The following ABHD10 variants were observed in gnomAD, a reference collection of about 807,000 sequenced individuals.
ABHD10 encodes palmitoyl-protein thioesterase ABHD10, mitochondrial.
In ABHD10, 22 loss-of-function variants were observed where a neutral mutation model predicts 33.1. That is an observed-to-expected ratio of 0.66 (90% CI 0.47 to 0.95). The LOEUF (loss-of-function observed/expected upper bound fraction) is 0.95. Ranked by LOEUF, ABHD10 falls within the 40% of genes least tolerant of loss-of-function variation. ABHD10 has a pLI of 0.00. For missense variants in ABHD10, 352 were observed against 379.9 expected, an observed-to-expected ratio of 0.93 and a Z score of 0.61; for synonymous variants, 146 against 133.9, an observed-to-expected ratio of 1.09 and a Z score of -0.62.
In ABHD10 at chr3:111,986,957, C is replaced by G. The variant is rs1022807241; in HGVS notation, c.482C>G (p.Ala161Gly). Reference sequence around the variant, plus strand: ...CTTGGAGGGTGGCTTATGCTTCATGCTGCAATTGCACGACCAGAGAAGGTC... The same window carrying G: ...CTTGGAGGGTGGCTTATGCTTCATGGTGCAATTGCACGACCAGAGAAGGTC... ...SSLGGWLMLHAAIARPEKVVA... is the reference protein window; with the variant it reads ...SSLGGWLMLHGAIARPEKVVA... Residue 161 changes from alanine to glycine, a missense_variant, in exon 4 of 5, where the codon GCT (alanine) becomes GGT (glycine). By Grantham distance (60) the Ala-to-Gly change is moderately conservative (BLOSUM62 0). Coordinates refer to ENST00000273359, the MANE Select transcript of ABHD10 (RefSeq NM_018394.4). The G allele has an allele frequency of 6.2e-7, 1 of 1,612,332 alleles. No homozygotes were observed.
At position 111,979,324 on chromosome 3, in the gene ABHD10, A is replaced by C. The variant is rs1012636180; in HGVS notation, c.142+121A>C. ...TCAAAAATGCTCCTCCCCCTTTCTC[A>C]ACACCCCAGTTCTAGGCGCTTTGTA... On this transcript the variant is annotated intron_variant, in intron 1 of 4. Coordinates refer to ENST00000273359, the MANE Select transcript of ABHD10 (RefSeq NM_018394.4). 4.2e-6 allele frequency: 5 copies of C among 1,192,250 alleles called. No homozygotes were observed. The African/African-American group carries it at 6.2e-5, about 15-fold the overall frequency. The allele number at this position is 1,192,250 out of a possible 1,614,324, so 73.9% of individuals were successfully genotyped here.
rs1223534751 is a variant in ABHD10 at position 111,987,010 on chromosome 3, G to A, written c.535G>A (p.Ala179Thr). ...VVALIGVATA[A>T]DTLVTKFNQL... ...GGCTCTTATTGGTGTAGCTACAGCT[G>A]CAGATACCTTAGTGACAAAGTTTAA... Residue 179 changes from alanine to threonine, a missense_variant, in exon 4 of 5, where the codon GCA (alanine) becomes ACA (threonine). Coordinates refer to ENST00000273359, the MANE Select transcript of ABHD10 (RefSeq NM_018394.4). The A allele has an allele frequency of 6.2e-7, 1 of 1,612,716 alleles. No individual in the cohort carries two copies. The highest frequency in any genetic ancestry group is 1.3e-5 in the African/African-American group (1 of 74,830).
At chr3:111,990,644 A>G (rs977013666) in intron 4 of ABHD10, 19 of 730,902 alleles carry the variant, frequency 2.6e-5, no homozygotes, top group East Asian at 9.4e-5. Flanking sequence ...TTCAGGAAGT[A>G]TGTGGAAGAC....
intron 1 of ABHD10, 50 bp downstream of exon 1, chr3:111,979,253 G>T: frequency 6.5e-7 from 1 of 1,548,732 alleles, no homozygotes; most frequent in Non-Finnish European, 8.7e-7. Flanking sequence ...AACGCCTCGG[G>T]TTCCGTCAGT....
At chr3:111,989,805 G>GTTT (rs138445944) in intron 4 of ABHD10, among the ~76,000 whole-genome samples, 1 of 148,452 alleles carries the variant, frequency 6.7e-6, no homozygotes, top group African/African-American at 2.5e-5. Context: ...TAGAAGTACA[G>GTTT]TTTTTTTTTT....
At position 111,991,653 on chromosome 3, in the gene ABHD10, G is replaced by A. The variant is rs778436937; in HGVS notation, c.853G>A (p.Ala285Thr). 12 of 1,614,010 alleles carry A rather than the reference G, an allele frequency of 7.4e-6. No homozygotes were observed. The East Asian group carries it at 1.8e-4, about 24-fold the overall frequency. ...CAGTGATCACCGAATGAGGGAAAAA[G>A]CAGACATTCAACTTCTTGTTTACAC... ...KHSDHRMREK[A>T]DIQLLVYTID... Residue 285 changes from alanine (A) to threonine (T), a missense_variant, in exon 5 of 5, where the codon GCA (alanine) becomes ACA (threonine). Transcript: ENST00000273359.
At chr3:111,984,712 A>T (rs73855092) in intron 2 of ABHD10, among the ~76,000 whole-genome samples, 31,552 of 152,126 alleles carry the variant, frequency 0.21, 3,376 homozygotes, top group Middle Eastern at 0.28. Context: ...GGTAATGCTA[A>T]AATGTTAAAG....
At chr3:111,979,249 T>TC (rs757904371) in intron 1 of ABHD10, 46 bp downstream of exon 1, 2 of 1,553,150 alleles carry the variant, frequency 1.3e-6, no homozygotes, top group Non-Finnish European at 1.7e-6. Flanking sequence ...TTCGAACGCC[T>TC]CGGGTTCCGT....
At chr3:111,983,954 G>A (rs1366854692) in intron 2 of ABHD10, among the ~76,000 whole-genome samples, 1 of 152,120 alleles carries the variant, frequency 6.6e-6, no homozygotes, top group African/African-American at 2.4e-5. Flanking sequence ...GGTTCAGTGA[G>A]AGTTAACTAT....
rs1036052534 is a variant in ABHD10 at position 111,986,210 on chromosome 3, TAAAG to T, written c.327-51_327-48del. ...GGAAGGTGCTATCTTTCTTAAAAAT[TAAAG>T]AAGCAGATATATAGATATTTAGATA... On this transcript the variant is annotated intron_variant, in intron 2 of 4. Coordinates refer to ENST00000273359, the MANE Select transcript of ABHD10 (RefSeq NM_018394.4). 9.0e-5 allele frequency: 89 copies of T among 988,228 alleles called. 1 individual carries two copies. In the Admixed American group the frequency reaches 1.8e-3, roughly 20 times the overall value. The allele number at this position is 988,228 out of a possible 1,614,324, so 61.2% of individuals were successfully genotyped here. A position where few individuals can be genotyped will look rare whatever the true frequency, so the allele number is the denominator to read the frequency against.
rs760030743 is a variant in ABHD10 at position 111,991,742 on chromosome 3, T to G, written c.*21T>G. ...ACTAGTATCACATGTTTAGTTGGTA[T>G]GTAAACTAATGTATCCAGAAGATTG... is the stretch of plus-strand genomic sequence containing the variant. On this transcript the variant is annotated 3_prime_UTR_variant, in exon 5 of 5. Coordinates refer to ENST00000273359, the MANE Select transcript of ABHD10 (RefSeq NM_018394.4). 9 of 1,543,840 alleles carry G rather than the reference T, an allele frequency of 5.8e-6. No homozygotes were observed. Among genetic ancestry groups the G allele is most frequent in the Non-Finnish European group, 7.1e-6 (8 of 1,124,734 alleles).
Position 111,981,975 on chromosome 3 carries a change from C to T in ABHD10, c.326+8C>T, listed in dbSNP as rs997785063. 39 of 1,484,204 alleles carry T rather than the reference C, an allele frequency of 2.6e-5. No individual in the cohort carries two copies. The highest frequency in any genetic ancestry group is 3.5e-5 in the Non-Finnish European group (39 of 1,099,060). The allele number at this position is 1,484,204 out of a possible 1,614,324, so 91.9% of individuals were successfully genotyped here. A position where few individuals can be genotyped will look rare whatever the true frequency, so the allele number is the denominator to read the frequency against. Reference sequence around the variant, plus strand: ...AGGTCACGCCTGCATAAGGTAGGAACAACACATTACTGAGAAAATATTGCT... The same window carrying T: ...AGGTCACGCCTGCATAAGGTAGGAATAACACATTACTGAGAAAATATTGCT... On this transcript the variant is annotated splice_region_variant and intron_variant, in intron 2 of 4. Transcript: ENST00000273359.
rs959901450 is a variant in ABHD10, at chr3:111,993,150, C to T, written c.*1429C>T. The T allele has an allele frequency of 6.6e-6, 1 of 152,208 alleles. No individual in the cohort carries two copies. The highest frequency in any genetic ancestry group is 1.5e-5 in the Non-Finnish European group (1 of 68,046). The allele number at this position is 152,208 out of a possible 1,614,324, so 9.4% of individuals were successfully genotyped here. A position where few individuals can be genotyped will look rare whatever the true frequency, so the allele number is the denominator to read the frequency against. The stretch of plus-strand genomic sequence containing the variant: ...GCTCCCAGTAAAAACCCCAGGCACT[C>T]AGTCTCTAACAAGCTTTTCTGGTTG... On this transcript the variant is annotated 3_prime_UTR_variant, in exon 5 of 5. Coordinates refer to ENST00000273359, the MANE Select transcript of ABHD10 (RefSeq NM_018394.4).
Position 111,979,154 on chromosome 3 carries a change from C to A in ABHD10, c.93C>A (p.Leu31=). 1.2e-6 allele frequency: 2 copies of A among 1,612,850 alleles called. No individual in the cohort carries two copies. The highest frequency in any genetic ancestry group is 1.7e-6 in the Non-Finnish European group (2 of 1,179,432). The change falls in exon 1 of 5, where the codon CTC becomes CTA. Residue 31 remains leucine, a synonymous_variant. Coordinates refer to ENST00000273359, the MANE Select transcript of ABHD10 (RefSeq NM_018394.4). The stretch of plus-strand genomic sequence containing the variant: ...TCCCCTTCGGTCCCCACCGTGGCCT[C>A]AGCGTGCTGCTTGCACGGATACCTC... ...AAVPFGPHRG[L]SVLLARIPQR...
rs781601137 is a variant in ABHD10 at position 111,991,438 on chromosome 3, G to C, written c.638G>C (p.Gly213Ala). The C allele has an allele frequency of 5.0e-6, 8 of 1,613,644 alleles. No individual in the cohort carries two copies. In the South Asian group the frequency reaches 7.7e-5, roughly 16 times the overall value. Reference sequence around the variant, plus strand: ...ATGCCATCAAAATACTCTGAAGAAGGAGTTTATAACGTTCAGTACAGTTTC... The same window carrying C: ...ATGCCATCAAAATACTCTGAAGAAGCAGTTTATAACGTTCAGTACAGTTTC... ...WSMPSKYSEEGVYNVQYSFIK... is the reference protein window; with the variant it reads ...WSMPSKYSEEAVYNVQYSFIK... The change falls in exon 5 of 5, where the codon GGA (glycine) becomes GCA (alanine). Residue 213 changes from glycine (G) to alanine (A), a missense_variant. Coordinates refer to ENST00000273359, the MANE Select transcript of ABHD10 (RefSeq NM_018394.4).
intron 2 of ABHD10, among the ~76,000 whole-genome samples, chr3:111,984,047 C>T (rs2072621157): frequency 6.6e-6 from 1 of 152,116 alleles, no homozygotes; most frequent in Admixed American, 6.5e-5. Context: ...TTTGCATCCT[C>T]ACCATATATT....
At chr3:111,983,315 T>C (rs1214149446) in intron 2 of ABHD10, among the ~76,000 whole-genome samples, 1 of 152,164 alleles carries the variant, frequency 6.6e-6, no homozygotes, top group Non-Finnish European at 1.5e-5. Flanking sequence ...AATATTGTTA[T>C]CACTTTTCTT....
Position 111,981,799 on chromosome 3 carries a change from C to A in ABHD10, c.158C>A (p.Thr53Lys). The part of the protein sequence containing the change: ...PRWLPACRQK[T>K]SLSFLNRPDL... ...CTTTGTTTAGCTTGTAGACAAAAGA[C>A]GTCACTCTCATTCCTTAATCGACCA... Residue 53 changes from threonine to lysine, a missense_variant, in exon 2 of 5, where the codon ACG becomes AAG. Thr to Lys is a moderately conservative substitution (Grantham distance 78). Transcript: ENST00000273359. 6.4e-7 allele frequency: 1 copy of A among 1,556,454 alleles called. No homozygotes were observed. Among genetic ancestry groups the A allele is most frequent in the Non-Finnish European group, 8.8e-7 (1 of 1,139,950 alleles).
rs2107709403 is a variant in ABHD10, at chr3:111,981,889, G to T, written c.248G>T (p.Gly83Val). 1 of 1,607,598 alleles carries T rather than the reference G, an allele frequency of 6.2e-7. No homozygotes were observed. Among genetic ancestry groups the T allele is most frequent in the East Asian group, 2.2e-5 (1 of 44,782 alleles). Residue 83 changes from glycine (G) to valine (V), a missense_variant, in exon 2 of 5, where the codon GGC becomes GTC. Coordinates refer to ENST00000273359, the MANE Select transcript of ABHD10 (RefSeq NM_018394.4). The part of the protein sequence containing the change: ...GKSPGIIFIP[G>V]YLSYMNGTKA... ...AGTCCAGGAATTATCTTCATCCCTG[G>T]CTATCTTTCTTATATGAATGGTACA...
Sources: allele counts gnomAD v4.1 joint callset (sites outside exome capture counted in the v4.1 genomes callset), GRCh38; gene constraint gnomAD v4.1.1; transcripts MANE v1.5; gene names NCBI Gene and HGNC (gene_info 2026-07-23, HGNC 2026-07-21).